Variants in GRIP1 observed in about 807,000 individuals in gnomAD.
The protein encoded by GRIP1 is glutamate receptor interacting protein 1, also known as glutamate receptor-interacting protein 1.
A neutral mutation model predicts 129.9 loss-of-function variants in GRIP1; 45 were observed. The observed-to-expected ratio is 0.35, with a 90% CI of 0.27 to 0.44. The LOEUF (loss-of-function observed/expected upper bound fraction) is 0.44, where lower values mean the gene tolerates loss of function less well. Among genes scored for constraint, GRIP1 ranks in the 20% least tolerant of loss-of-function variants. GRIP1 has a pLI of 1.00. For missense variants in GRIP1, 1,196 were observed against 1,396.8 expected (o/e 0.86, Z 2.29); for synonymous variants, 530 against 520.8 (o/e 1.02, Z -0.24).
At chr12:66,479,375 G>T (rs2059730229) in intron 7 of GRIP1, among the ~76,000 whole-genome samples, 1 of 152,304 alleles carries the variant, frequency 6.6e-6, no homozygotes, top group Non-Finnish European at 1.5e-5. Context: ...CCAGGAAGAA[G>T]TTGAGTCCCT....
intron 2 of GRIP1, among the ~76,000 whole-genome samples, chr12:66,574,752 G>C (rs961873929): frequency 6.6e-6 from 1 of 150,706 alleles, no homozygotes. Flanking sequence ...TTGTCCTCTT[G>C]CAGCTGACTG....
rs772825051 is a variant in GRIP1 at position 66,444,746 on chromosome 12, T to A, written c.1542-17A>T. The A allele has an allele frequency of 6.2e-7, 1 of 1,613,044 alleles. No individual in the cohort carries two copies. Among genetic ancestry groups the A allele is most frequent in the Non-Finnish European group, 8.5e-7 (1 of 1,179,020 alleles). On this transcript the variant is annotated splice_polypyrimidine_tract_variant and intron_variant, in intron 12 of 24. Transcript: ENST00000359742. Reference sequence around the variant, plus strand: ...ACCCCACATCTAATTTAGAACCACATGTGAGAGGTTGTAGATGGAGTAAAT... The same window carrying A: ...ACCCCACATCTAATTTAGAACCACAAGTGAGAGGTTGTAGATGGAGTAAAT...
intron 1 of GRIP1, among the ~76,000 whole-genome samples, chr12:66,652,278 C>T (rs550197286): frequency 5.3e-5 from 8 of 152,220 alleles, no homozygotes; most frequent in Admixed American, 5.2e-4. Context: ...ATGCTATTCT[C>T]ATGATAGTGA....
intron 9 of GRIP1, among the ~76,000 whole-genome samples, chr12:66,459,895 T>C (rs1342935205): frequency 2.6e-5 from 4 of 152,248 alleles, no homozygotes; most frequent in African/African-American, 9.6e-5. Context: ...TGGCATGTCC[T>C]GTCATTTTGC....
chr12:66,677,931 T>C (rs1284530614), intron 1 of GRIP1, among the ~76,000 whole-genome samples: 3 of 152,326 alleles, frequency 2.0e-5, no homozygotes, highest in South Asian at 2.1e-4. Flanking sequence ...AACAGTACTC[T>C]ATATTACAGG....
At chr12:67,003,193 G>A (rs576817767) in intron 1 of GRIP1, among the ~76,000 whole-genome samples, 3 of 151,898 alleles carry the variant, frequency 2.0e-5, no homozygotes, top group African/African-American at 7.2e-5. Context: ...CTCTTCCAAC[G>A]CCCTTCTTTC....
At chr12:66,643,370 A>C (rs552155373) in intron 1 of GRIP1, among the ~76,000 whole-genome samples, 4 of 152,388 alleles carry the variant, frequency 2.6e-5, no homozygotes, top group Non-Finnish European at 5.9e-5. Context: ...GTCTTGAGAC[A>C]ATGAAATATT....
At chr12:66,412,489 A>G (rs181598020) in intron 15 of GRIP1, among the ~76,000 whole-genome samples, 1 of 152,356 alleles carries the variant, frequency 6.6e-6, no homozygotes, top group Non-Finnish European at 1.5e-5. Flanking sequence ...GAAGAGCTAA[A>G]TATGGAAAGG....
chr12:66,514,266 A>AG (rs1237470816), intron 7 of GRIP1, among the ~76,000 whole-genome samples: 1 of 152,140 alleles, frequency 6.6e-6, no homozygotes, highest in African/African-American at 2.4e-5. Context: ...TGAATACATG[A>AG]GTTAGATGTC....
chr12:66,690,319 T>C (rs924433357), intron 1 of GRIP1, among the ~76,000 whole-genome samples: 2 of 151,992 alleles, frequency 1.3e-5, no homozygotes, highest in African/African-American at 4.8e-5. Flanking sequence ...TCCAGGCTCA[T>C]CTATATTGTA....
intron 7 of GRIP1, among the ~76,000 whole-genome samples, chr12:66,486,067 T>C (rs1035584253): frequency 2.0e-5 from 3 of 152,050 alleles, no homozygotes; most frequent in Non-Finnish European, 4.4e-5. Flanking sequence ...CAGTTCTTTA[T>C]TGTTCTTTAA....
intron 4 of GRIP1, among the ~76,000 whole-genome samples, chr12:66,538,139 C>T (rs1305015771): frequency 6.6e-6 from 1 of 152,030 alleles, no homozygotes; most frequent in Non-Finnish European, 1.5e-5. Context: ...GTTTACACTA[C>T]CTGCCTTAGT....
At chr12:66,839,523 T>C (rs1206511843) in intron 1 of GRIP1, among the ~76,000 whole-genome samples, 2 of 152,200 alleles carry the variant, frequency 1.3e-5, no homozygotes, top group Non-Finnish European at 2.9e-5. Flanking sequence ...ATATATGATA[T>C]GAAGACTCAC....
chr12:66,394,487 A>G, intron 16 of GRIP1, 135 bp from the exon 17 acceptor site: 1 of 786,126 alleles, frequency 1.3e-6, no homozygotes, highest in South Asian at 1.6e-5. Flanking sequence ...TATTTTGGGA[A>G]GTAGCATTTC....
chr12:67,047,095 C>T lies in GRIP1; in HGVS notation c.58+21955G>A, dbSNP rs192140321. 2.6e-3 allele frequency among the ~76,000 whole-genome samples: 393 copies of T among 152,178 alleles called. 4 individuals are homozygous for T. The highest frequency in any genetic ancestry group is 9.0e-3 in the African/African-American group (375 of 41,524). On this transcript the variant is annotated intron_variant, in intron 1 of 1. Coordinates refer to the GRIP1 transcript ENST00000643019. ...TATAGAAGTGTTTTAATGAAAGCAG[C>T]GTCTTAACAGTTTTAAACATATCAG...
rs138970530 is a variant in GRIP1 at position 66,361,197 on chromosome 12, G to C, written c.3013-7634C>G. ...AACTCAGGGGTTTTGAGAGGAATTG[G>C]GTCAGAAGGCAGCTGCTGCCTTCCT... On this transcript the variant is annotated intron_variant, in intron 23 of 24. Coordinates refer to ENST00000359742, the MANE Select transcript of GRIP1 (RefSeq NM_001366722.1). Among the ~76,000 whole-genome samples the C allele has an allele frequency of 1.4e-3, 218 of 152,268 alleles. 1 individual carries two copies. The highest frequency in any genetic ancestry group is 5.1e-3 in the African/African-American group (211 of 41,556).
intron 1 of GRIP1, among the ~76,000 whole-genome samples, chr12:67,002,677 T>TA (rs2042568624): frequency 6.6e-6 from 1 of 152,234 alleles, no homozygotes; most frequent in Non-Finnish European, 1.5e-5. Context: ...CATTTTTAGA[T>TA]AGTCATGCAA....
intron 1 of GRIP1, among the ~76,000 whole-genome samples, chr12:66,962,817 T>C (rs556190280): frequency 3.3e-5 from 5 of 152,246 alleles, no homozygotes; most frequent in Admixed American, 1.3e-4. Context: ...CAGCAATACA[T>C]AGGTATATTA....
At chr12:66,366,968 G>A (rs2055189128) in intron 23 of GRIP1, among the ~76,000 whole-genome samples, 1 of 152,188 alleles carries the variant, frequency 6.6e-6, no homozygotes, top group Non-Finnish European at 1.5e-5. Context: ...ATAGGTGTGA[G>A]CCACTGTGCC....
Sources: gnomAD v4.1 joint callset for allele counts (sites outside exome capture counted in the v4.1 genomes callset) on GRCh38, gnomAD v4.1.1 for gene constraint, MANE v1.5 for transcripts, NCBI Gene and HGNC (gene_info 2026-07-23, HGNC 2026-07-21) for gene names.